PRDM1: variants seen among roughly 807,000 people sequenced by gnomAD.
The protein encoded by PRDM1 is PR/SET domain 1.
Under a neutral mutation model 62.8 loss-of-function variants are expected in PRDM1, and 13 were observed. The observed-to-expected ratio is 0.21, with a 90% CI of 0.13 to 0.33. PRDM1 has a LOEUF of 0.33. Ranked by LOEUF, PRDM1 falls within the 10% of genes least tolerant of loss-of-function variation. PRDM1 has a pLI of 1.00. For missense variants in PRDM1, 895 were observed against 1,058.8 expected, an observed-to-expected ratio of 0.85 and a Z score of 2.15; for synonymous variants, 396 against 417.6, an observed-to-expected ratio of 0.95 and a Z score of 0.63.
chr6:106,104,854 A>G lies in PRDM1; in HGVS notation c.694A>G (p.Ser232Gly). ...AACACAGAGCAGTCTAAAGCAACCGAGCACTGAGAAAAATGAACTCTGCCC... is the reference window on the plus strand; with the variant it reads ...AACACAGAGCAGTCTAAAGCAACCGGGCACTGAGAAAAATGAACTCTGCCC... ...TQTQSSLKQPSTEKNELCPKN... is the reference protein window; with the variant it reads ...TQTQSSLKQPGTEKNELCPKN... Residue 232 changes from serine (S) to glycine (G), a missense_variant, in exon 5 of 7, where the codon AGC becomes GGC. Transcript: ENST00000369096. The G allele has an allele frequency of 1.2e-6, 2 of 1,613,972 alleles. No individual in the cohort carries two copies. Among genetic ancestry groups the G allele is most frequent in the African/African-American group, 1.3e-5 (1 of 74,978 alleles).
chr6:106,087,345 T>A (rs1474634839), intron 1 of PRDM1, among the ~76,000 whole-genome samples: 1 of 152,234 alleles, frequency 6.6e-6, no homozygotes, highest in Non-Finnish European at 1.5e-5. Context: ...TCATACACTT[T>A]CAGATTTAAA....
intron 3 of PRDM1, chr6:106,098,772 G>T: frequency 6.8e-7 from 1 of 1,479,740 alleles, no homozygotes; most frequent in Non-Finnish European, 9.1e-7. Flanking sequence ...GACTTGGAGG[G>T]TTGGGGGTGG....
chr6:106,061,895 C>G (rs1487645938), intron 1 of PRDM1, among the ~76,000 whole-genome samples: 2 of 152,176 alleles, frequency 1.3e-5, no homozygotes, highest in African/African-American at 4.8e-5. Context: ...AAGTGACAGA[C>G]TTTAAAGCAC....
At chr6:106,053,420 GT>G (rs1482592005) in intron 1 of PRDM1, among the ~76,000 whole-genome samples, 1 of 151,868 alleles carries the variant, frequency 6.6e-6, no homozygotes, top group Admixed American at 6.6e-5. Flanking sequence ...CCCTTTATAT[GT>G]TTTTTTCCTG....
chr6:106,011,087 A>G (rs866640899), intron 1 of PRDM1, among the ~76,000 whole-genome samples: 14 of 151,944 alleles, frequency 9.2e-5, no homozygotes, highest in Middle Eastern at 3.4e-3. Context: ...TTTCATCTTC[A>G]TTGTCTTCTC....
intron 2 of PRDM1, among the ~76,000 whole-genome samples, chr6:106,091,710 G>A (rs1314075797): frequency 6.6e-6 from 1 of 152,214 alleles, no homozygotes; most frequent in East Asian, 1.9e-4. Flanking sequence ...AACCTGGGAG[G>A]TGGAGTGAGC....
At position 106,105,361 on chromosome 6, in the gene PRDM1, G is replaced by A. The variant is rs778818420; in HGVS notation, c.1201G>A (p.Ala401Thr). The change falls in exon 5 of 7, where the codon GCT becomes ACT. Residue 401 changes from alanine (A) to threonine (T), a missense_variant. Physicochemically the swap from Ala to Thr is moderately conservative, Grantham distance 58. Coordinates refer to ENST00000369096, the MANE Select transcript of PRDM1 (RefSeq NM_001198.4). ...GYAPLPHLPPAFIPSYNAHYP... is the reference protein window; with the variant it reads ...GYAPLPHLPPTFIPSYNAHYP... The stretch of plus-strand genomic sequence containing the variant: ...CGCACCCCTGCCCCACCTCCCGCCA[G>A]CTTTCATCCCCTCGTACAACGCTCA... 2.5e-6 allele frequency: 4 copies of A among 1,613,846 alleles called. No homozygotes were observed. Among genetic ancestry groups the A allele is most frequent in the Non-Finnish European group, 3.4e-6 (4 of 1,179,864 alleles).
At chr6:106,101,620 C>A (rs9486277) in intron 4 of PRDM1, among the ~76,000 whole-genome samples, 2 of 152,164 alleles carry the variant, frequency 1.3e-5, no homozygotes, top group South Asian at 2.1e-4. Context: ...ATTCCTGCTG[C>A]CAGTTGTGAA....
chr6:106,089,637 A>G (rs1393310740), intron 2 of PRDM1, among the ~76,000 whole-genome samples: 1 of 152,342 alleles, frequency 6.6e-6, no homozygotes, highest in Admixed American at 6.5e-5. Flanking sequence ...TATAAAAAAT[A>G]AAATTTAAAT....
At chr6:106,003,324 T>G (rs1386952261) in intron 1 of PRDM1, among the ~76,000 whole-genome samples, 1 of 152,162 alleles carries the variant, frequency 6.6e-6, no homozygotes, top group Non-Finnish European at 1.5e-5. Context: ...GCTTCATACA[T>G]TCAGGACATT....
intron 1 of PRDM1, among the ~76,000 whole-genome samples, chr6:106,003,621 A>C (rs749985855): frequency 1.3e-5 from 2 of 152,112 alleles, no homozygotes; most frequent in Non-Finnish European, 2.9e-5. Flanking sequence ...GATTAGTTGG[A>C]TTTTCAGACC....
chr6:106,036,991 C>T (rs1404267590), intron 1 of PRDM1, among the ~76,000 whole-genome samples: 1 of 152,110 alleles, frequency 6.6e-6, no homozygotes, highest in East Asian at 1.9e-4. Flanking sequence ...TTTATTTCTT[C>T]ACATGGCTTC....
rs199994175 is a variant in PRDM1 at position 106,053,010 on chromosome 6, T to TA, written c.-67+4303dup. Among the ~76,000 whole-genome samples the TA allele has an allele frequency of 3.4e-4, 52 of 152,232 alleles. 4 individuals carry two copies. The East Asian group carries it at 0.01, about 29-fold the overall frequency. On this transcript the variant is annotated intron_variant, in intron 1 of 6. Coordinates refer to the PRDM1 transcript ENST00000651185. Reference sequence around the variant, plus strand: ...TCACTATTTAGAGGAAATTAAAACCTAAAAAAACCCTCAAATATTAAATAT... The same window carrying TA: ...TCACTATTTAGAGGAAATTAAAACCTAAAAAAAACCCTCAAATATTAAATAT...
upstream of PRDM1, among the ~76,000 whole-genome samples, chr6:106,083,393 T>C (rs1773728409): frequency 6.6e-6 from 1 of 152,026 alleles, no homozygotes; most frequent in Admixed American, 6.5e-5. Flanking sequence ...AAAAAAAAGT[T>C]CCTTTCGAAA....
chr6:106,086,364 C>G lies in PRDM1; in HGVS notation c.-190C>G, dbSNP rs2114613949. On this transcript the variant is annotated 5_prime_UTR_variant, in exon 1 of 7. Transcript: ENST00000369096. ...ACAGACAAAGTGCTGCCGTGACACT[C>G]GGCCCTCCAGTGTTGCGGAGAGGCA... 1.9e-6 allele frequency: 1 copy of G among 529,586 alleles called. No individual in the cohort carries two copies. The highest frequency in any genetic ancestry group is 3.1e-5 in the East Asian group (1 of 32,588). 32.8% of individuals were successfully genotyped at this position (529,586 alleles called of 1,614,324 possible). A position where few individuals can be genotyped will look rare whatever the true frequency, so the allele number is the denominator to read the frequency against.
At chr6:106,035,510 C>G (rs910909568) in intron 1 of PRDM1, among the ~76,000 whole-genome samples, 1 of 151,982 alleles carries the variant, frequency 6.6e-6, no homozygotes, top group Non-Finnish European at 1.5e-5. Context: ...ATGCCTGTAG[C>G]CACAGCTACT....
In PRDM1 at chr6:106,107,857, T is replaced by C. The variant is rs1231862767; in HGVS notation, c.*371T>C. 4.3e-6 allele frequency: 1 copy of C among 232,512 alleles called. No homozygotes were observed. Among genetic ancestry groups the C allele is most frequent in the Non-Finnish European group, 8.5e-6 (1 of 117,418 alleles). The allele number at this position is 232,512 out of a possible 1,614,324, so 14.4% of individuals were successfully genotyped here. A position where few individuals can be genotyped will look rare whatever the true frequency, so the allele number is the denominator to read the frequency against. ...TCAATGATAATCCTTCATAATTTAT[T>C]ATACAATTTATCATTCAGAAAGCAA... On this transcript the variant is annotated 3_prime_UTR_variant, in exon 7 of 7. Transcript: ENST00000369096.
chr6:106,026,624 C>G (rs913681291), intron 1 of PRDM1, among the ~76,000 whole-genome samples: 3 of 152,180 alleles, frequency 2.0e-5, no homozygotes, highest in Non-Finnish European at 4.4e-5. Flanking sequence ...AACTAAGCAG[C>G]CTCTGGCTGT....
chr6:106,079,118 G>A (rs1773650895), intron 1 of PRDM1, among the ~76,000 whole-genome samples: 3 of 151,744 alleles, frequency 2.0e-5, no homozygotes, highest in Admixed American at 1.3e-4. Flanking sequence ...CCGCCACCAC[G>A]TGGGCCTGGC....
Sources: gnomAD v4.1 joint callset for allele counts (sites outside exome capture counted in the v4.1 genomes callset) on GRCh38, gnomAD v4.1.1 for gene constraint, MANE v1.5 for transcripts, NCBI Gene and HGNC (gene_info 2026-07-23, HGNC 2026-07-21) for gene names.